Variants in FLRT2 observed in about 807,000 individuals in gnomAD.
FLRT2 encodes the protein fibronectin leucine rich transmembrane protein 2, also known as leucine-rich repeat transmembrane protein FLRT2.
In FLRT2, 15 loss-of-function variants were observed where a neutral mutation model predicts 40.0. The ratio of observed to expected loss-of-function variants is 0.38; its 90% CI spans 0.25 to 0.58. The LOEUF (loss-of-function observed/expected upper bound fraction) is 0.58, where lower values mean the gene tolerates loss of function less well. Ranked by LOEUF, FLRT2 falls within the 20% of genes least tolerant of loss-of-function variation. FLRT2 has a pLI of 0.71. For synonymous variants in FLRT2, 380 were observed against 336.8 expected (o/e 1.13, Z -1.41); for missense variants, 726 against 840.0 (o/e 0.86, Z 1.68).
intron 1 of FLRT2, among the ~76,000 whole-genome samples, chr14:85,539,325 A>G (rs1456097133): frequency 6.6e-6 from 1 of 152,050 alleles, no homozygotes; most frequent in Non-Finnish European, 1.5e-5. Flanking sequence ...GAGAAGTTCC[A>G]TTCTTTATGA....
At chr14:85,597,842 G>A (rs1021753729) in intron 1 of FLRT2, among the ~76,000 whole-genome samples, 20 of 152,324 alleles carry the variant, frequency 1.3e-4, no homozygotes, top group African/African-American at 4.6e-4. Context: ...TGAATTATGT[G>A]GAAACGTGTG....
intron 1 of FLRT2, among the ~76,000 whole-genome samples, chr14:85,582,119 A>G (rs1434931389): frequency 6.6e-6 from 1 of 152,216 alleles, no homozygotes; most frequent in Non-Finnish European, 1.5e-5. Context: ...GGTTGAATCC[A>G]TATGTAGATC....
chr14:85,544,477 C>T (rs1357853378), intron 1 of FLRT2, among the ~76,000 whole-genome samples: 1 of 152,178 alleles, frequency 6.6e-6, no homozygotes, highest in Non-Finnish European at 1.5e-5. Flanking sequence ...TGCATTTGCT[C>T]TCTTCTTTAT....
chr14:85,613,169 A>C (rs1440909519), intron 1 of FLRT2, among the ~76,000 whole-genome samples: 2 of 152,080 alleles, frequency 1.3e-5, no homozygotes, highest in Non-Finnish European at 2.9e-5. Flanking sequence ...TTATTATATA[A>C]GTAAAAATTC....
chr14:85,645,625 T>G lies in FLRT2; in HGVS notation c.*22128T>G, dbSNP rs2139404640. ...AGGATTGTTCATAAGTGGCAGAACC[T>G]ATGAGAATATTCATGCCACATGTTA... is the stretch of plus-strand genomic sequence containing the variant. On this transcript the variant is annotated 3_prime_UTR_variant, in exon 2 of 2. Coordinates refer to ENST00000330753, the MANE Select transcript of FLRT2 (RefSeq NM_013231.6). 6.6e-6 allele frequency: 1 copy of G among 152,304 alleles called. No homozygotes were observed. The highest frequency in any genetic ancestry group is 1.9e-4 in the East Asian group (1 of 5,184). The allele number at this position is 152,304 out of a possible 1,614,324, so 9.4% of individuals were successfully genotyped here.
At position 85,624,476 on chromosome 14, in the gene FLRT2, T is replaced by C. The variant is rs1893579280; in HGVS notation, c.*979T>C. 6.0e-6 allele frequency: 1 copy of C among 167,082 alleles called. No individual in the cohort carries two copies. 10.3% of individuals were successfully genotyped at this position (167,082 alleles called of 1,614,324 possible). On this transcript the variant is annotated 3_prime_UTR_variant, in exon 2 of 2. Transcript: ENST00000330753. The stretch of plus-strand genomic sequence containing the variant: ...ACATGATATTTAGACCAACAGGTGA[T>C]CAATGTTTGGAAAATACAACAATGA...
At chr14:85,598,126 C>T (rs1035837261) in intron 1 of FLRT2, among the ~76,000 whole-genome samples, 8 of 152,178 alleles carry the variant, frequency 5.3e-5, no homozygotes, top group African/African-American at 1.9e-4. Context: ...TGAAAATAAT[C>T]ATTGCCATTT....
intron 1 of FLRT2, among the ~76,000 whole-genome samples, chr14:85,577,709 C>T (rs904619820): frequency 6.6e-6 from 1 of 151,998 alleles, no homozygotes; most frequent in African/African-American, 2.4e-5. Context: ...GCCTCAGTCT[C>T]TCGAGTAGCT....
At chr14:85,542,675 G>T (rs1210646114) in intron 1 of FLRT2, among the ~76,000 whole-genome samples, 1 of 152,152 alleles carries the variant, frequency 6.6e-6, no homozygotes, top group Non-Finnish European at 1.5e-5. Context: ...TTGGGAAATG[G>T]TTTTAAAAAG....
At chr14:85,599,240 T>C (rs1414693020) in intron 1 of FLRT2, among the ~76,000 whole-genome samples, 1 of 106,786 alleles carries the variant, frequency 9.4e-6, no homozygotes, top group Non-Finnish European at 1.9e-5. Flanking sequence ...TTTTTTTTTT[T>C]CAAGGTGACA....
intron 1 of FLRT2, among the ~76,000 whole-genome samples, chr14:85,576,552 C>T (rs566746415): frequency 6.6e-6 from 1 of 152,298 alleles, no homozygotes; most frequent in South Asian, 2.1e-4. Context: ...AAATAATCAG[C>T]ATATTGCTTG....
chr14:85,540,808 G>T (rs911969689), intron 1 of FLRT2, among the ~76,000 whole-genome samples: 2 of 152,048 alleles, frequency 1.3e-5, no homozygotes, highest in Admixed American at 1.3e-4. Flanking sequence ...AAAATTACTT[G>T]CATAGTTCGG....
intron 1 of FLRT2, among the ~76,000 whole-genome samples, chr14:85,536,448 C>G (rs1420433516): frequency 1.3e-5 from 2 of 151,896 alleles, no homozygotes; most frequent in African/African-American, 4.8e-5. Context: ...TTAGAAGATT[C>G]AAAAAAGGTC....
Position 85,609,809 on chromosome 14 carries a change from G to A in FLRT2, c.-376-11330G>A, listed in dbSNP as rs924792973. Among the ~76,000 whole-genome samples the A allele has an allele frequency of 8.5e-5, 13 of 152,306 alleles. No individual in the cohort carries two copies. In the East Asian group the frequency reaches 1.5e-3, roughly 18 times the overall value. On this transcript the variant is annotated intron_variant, in intron 1 of 1. Coordinates refer to ENST00000330753, the MANE Select transcript of FLRT2 (RefSeq NM_013231.6). Reference sequence around the variant, plus strand: ...ACAGCCCAGGCAGCCTTCTAGAAACGTGTCAAACTCTATTGCACTAGTAAC... The same window carrying A: ...ACAGCCCAGGCAGCCTTCTAGAAACATGTCAAACTCTATTGCACTAGTAAC...
chr14:85,623,572 C>G lies in FLRT2; in HGVS notation c.*75C>G. 3.4e-6 allele frequency: 4 copies of G among 1,170,732 alleles called. No individual in the cohort carries two copies. The highest frequency in any genetic ancestry group is 4.5e-6 in the Non-Finnish European group (4 of 880,820). The allele number at this position is 1,170,732 out of a possible 1,614,324, so 72.5% of individuals were successfully genotyped here. On this transcript the variant is annotated 3_prime_UTR_variant, in exon 2 of 2. Transcript: ENST00000330753. ...ACACTCGTGTGTGCACATAAAGACA[C>G]GCAGATTACATTTGATAAATGTTAC... is the stretch of plus-strand genomic sequence containing the variant.
rs1403252323 is a variant in FLRT2, at chr14:85,629,325, A to G, written c.*5828A>G. Reference sequence around the variant, plus strand: ...AGTACATTGCTAAAGTCAGAACTTAATTTGAATTAAATTTTCAAGTTTCCA... The same window carrying G: ...AGTACATTGCTAAAGTCAGAACTTAGTTTGAATTAAATTTTCAAGTTTCCA... On this transcript the variant is annotated 3_prime_UTR_variant, in exon 2 of 2. Coordinates refer to ENST00000330753, the MANE Select transcript of FLRT2 (RefSeq NM_013231.6). 1.3e-5 allele frequency: 2 copies of G among 152,208 alleles called. No homozygotes were observed. The highest frequency in any genetic ancestry group is 2.9e-5 in the Non-Finnish European group (2 of 68,036). The allele number at this position is 152,208 out of a possible 1,614,324, so 9.4% of individuals were successfully genotyped here.
At chr14:85,611,739 A>G (rs1200610903) in intron 1 of FLRT2, among the ~76,000 whole-genome samples, 1 of 152,182 alleles carries the variant, frequency 6.6e-6, no homozygotes, top group Non-Finnish European at 1.5e-5. Context: ...ACTGTTTTAA[A>G]TCTTCTTTAT....
intron 1 of FLRT2, among the ~76,000 whole-genome samples, chr14:85,543,246 A>C (rs1889083045): frequency 6.6e-6 from 1 of 152,172 alleles, no homozygotes; most frequent in South Asian, 2.1e-4. Flanking sequence ...GAAATCACTG[A>C]GCTAGATAGT....
In FLRT2 at chr14:85,643,342, T is replaced by A. The variant is rs796700039; in HGVS notation, c.*19845T>A. 1 of 85,142 alleles carries A rather than the reference T, an allele frequency of 1.2e-5. No individual in the cohort carries two copies. Among genetic ancestry groups the A allele is most frequent in the African/African-American group, 4.5e-5 (1 of 22,342 alleles). 5.3% of individuals were successfully genotyped at this position (85,142 alleles called of 1,614,324 possible). A position where few individuals can be genotyped will look rare whatever the true frequency, so the allele number is the denominator to read the frequency against. The stretch of plus-strand genomic sequence containing the variant: ...TTCTTTCTTTCTTTCTTTCTTTCTT[T>A]CTTTCTTTCTTTCTTCCTTCCTTCC... On this transcript the variant is annotated 3_prime_UTR_variant, in exon 2 of 2. Coordinates refer to ENST00000330753, the MANE Select transcript of FLRT2 (RefSeq NM_013231.6).
Sources: allele counts gnomAD v4.1 joint callset (sites outside exome capture counted in the v4.1 genomes callset), GRCh38; gene constraint gnomAD v4.1.1; transcripts MANE v1.5; gene names NCBI Gene and HGNC (gene_info 2026-07-23, HGNC 2026-07-21).